GPR39: variants seen among roughly 807,000 people sequenced by gnomAD.
GPR39 encodes the protein G protein-coupled receptor 39, also known as zinc sensing receptor.
In GPR39, 23 loss-of-function variants were observed where a neutral mutation model predicts 18.4. That is an observed-to-expected ratio of 1.25 (90% CI 0.90 to 1.77). GPR39 has a LOEUF of 1.77. GPR39 is among the 40% of genes most tolerant of loss of function. The pLI, the probability that GPR39 is intolerant of heterozygous loss-of-function variation, is 0.00. For missense variants in GPR39, 647 were observed against 602.4 expected (o/e 1.07, Z -0.78); for synonymous variants, 280 against 257.9 (o/e 1.09, Z -0.82).
At chr2:132,595,359 C>G (rs1046077446) in intron 1 of GPR39, among the ~76,000 whole-genome samples, 5 of 148,028 alleles carry the variant, frequency 3.4e-5, no homozygotes, top group African/African-American at 1.2e-4. Context: ...GTAGCACATA[C>G]CTCATGCAGT....
intron 1 of GPR39, among the ~76,000 whole-genome samples, chr2:132,513,231 T>C (rs1334743931): frequency 6.6e-6 from 1 of 152,170 alleles, no homozygotes; most frequent in Admixed American, 6.5e-5. Context: ...GACAGCAACA[T>C]TTCCACAGCA....
intron 1 of GPR39, among the ~76,000 whole-genome samples, chr2:132,421,485 C>T (rs1273037240): frequency 1.3e-5 from 2 of 152,088 alleles, no homozygotes; most frequent in East Asian, 1.9e-4. Context: ...ATAAAAGAAA[C>T]ATCATAGAAG....
chr2:132,500,382 TA>T (rs763224953), intron 1 of GPR39, among the ~76,000 whole-genome samples: 3 of 152,198 alleles, frequency 2.0e-5, no homozygotes, highest in Non-Finnish European at 4.4e-5. Flanking sequence ...GTATCACACT[TA>T]TTGACTTATA....
chr2:132,482,771 T>C (rs1429210938), intron 1 of GPR39, among the ~76,000 whole-genome samples: 1 of 152,272 alleles, frequency 6.6e-6, no homozygotes, highest in Non-Finnish European at 1.5e-5. Flanking sequence ...AGTAGTAGTT[T>C]GCAAATCAGA....
intron 1 of GPR39, among the ~76,000 whole-genome samples, chr2:132,641,812 T>C (rs1472630664): frequency 6.6e-6 from 1 of 152,236 alleles, no homozygotes; most frequent in African/African-American, 2.4e-5. Flanking sequence ...ATATCCATTT[T>C]ACATGGTGGA....
chr2:132,427,976 T>C (rs1028442965), intron 1 of GPR39, among the ~76,000 whole-genome samples: 9 of 147,450 alleles, frequency 6.1e-5, no homozygotes, highest in Non-Finnish European at 1.3e-4. Context: ...TATTTAAATA[T>C]ATATATATTT....
At chr2:132,538,513 A>C (rs181506802) in intron 1 of GPR39, among the ~76,000 whole-genome samples, 7 of 152,334 alleles carry the variant, frequency 4.6e-5, no homozygotes, top group Non-Finnish European at 1.0e-4. Context: ...TTTCCCAGTC[A>C]GGAGGCATGG....
chr2:132,577,394 A>G (rs1573677518), intron 1 of GPR39, among the ~76,000 whole-genome samples: 2 of 152,260 alleles, frequency 1.3e-5, no homozygotes, highest in East Asian at 3.9e-4. Context: ...CTTTCAATAT[A>G]AATATTAGAA....
chr2:132,503,265 T>C (rs953835678), intron 1 of GPR39, among the ~76,000 whole-genome samples: 1 of 152,176 alleles, frequency 6.6e-6, no homozygotes, highest in African/African-American at 2.4e-5. Flanking sequence ...AGGAGTGCTA[T>C]TTTGATGTGG....
chr2:132,624,994 A>G (rs1355344424), intron 1 of GPR39, among the ~76,000 whole-genome samples: 1 of 151,974 alleles, frequency 6.6e-6, no homozygotes, highest in Non-Finnish European at 1.5e-5. Context: ...TCTACTAGAG[A>G]CTGTCAAACA....
In GPR39 at chr2:132,645,738, GC is replaced by G; in HGVS notation, c.*135del. 1.6e-6 allele frequency: 2 copies of G among 1,263,530 alleles called. No individual in the cohort carries two copies. The highest frequency in any genetic ancestry group is 1.1e-6 in the Non-Finnish European group (1 of 929,102). 78.3% of individuals were successfully genotyped at this position (1,263,530 alleles called of 1,614,324 possible). On this transcript the variant is annotated 3_prime_UTR_variant, in exon 2 of 2. Transcript: ENST00000329321. ...ACTGGAGGCTTTACAAAAGGCAGAT[GC>G]CCACCTCAGTGACTTCTAAGGACTG...
intron 1 of GPR39, among the ~76,000 whole-genome samples, chr2:132,538,182 T>C (rs1679794318): frequency 6.6e-6 from 1 of 152,188 alleles, no homozygotes; most frequent in African/African-American, 2.4e-5. Flanking sequence ...TCATCATGGA[T>C]TTATCTACCT....
intron 1 of GPR39, among the ~76,000 whole-genome samples, chr2:132,435,212 G>A (rs58068439): frequency 1.4e-3 from 214 of 152,134 alleles, no homozygotes; most frequent in African/African-American, 3.9e-3. Context: ...AAGTTGACCC[G>A]AGTGTGCCTG....
intron 1 of GPR39, among the ~76,000 whole-genome samples, chr2:132,518,984 A>AT (rs1374157268): frequency 6.6e-6 from 1 of 152,232 alleles, no homozygotes; most frequent in Non-Finnish European, 1.5e-5. Flanking sequence ...TTCTTCATTC[A>AT]TAACAAAGCT....
intron 1 of GPR39, among the ~76,000 whole-genome samples, chr2:132,499,893 T>C (rs13002132): frequency 0.46 from 69,797 of 151,556 alleles, 16,715 homozygotes; most frequent in Non-Finnish European, 0.51. Context: ...TGGTCACTGT[T>C]GGTGTACAGC....
chr2:132,506,626 T>A (rs1434878720), intron 1 of GPR39, among the ~76,000 whole-genome samples: 2 of 152,174 alleles, frequency 1.3e-5, no homozygotes, highest in Admixed American at 6.6e-5. Context: ...GGAGAGAGAA[T>A]GAGTGTTCAG....
At chr2:132,592,667 G>A (rs1348974019) in intron 1 of GPR39, among the ~76,000 whole-genome samples, 4 of 152,202 alleles carry the variant, frequency 2.6e-5, no homozygotes, top group African/African-American at 4.8e-5. Flanking sequence ...AGAAAGAAAG[G>A]AGGGTAATTA....
At chr2:132,552,879 T>C (rs1031450257) in intron 1 of GPR39, among the ~76,000 whole-genome samples, 2 of 101,942 alleles carry the variant, frequency 2.0e-5, no homozygotes, top group Non-Finnish European at 3.9e-5. Context: ...TATACACATA[T>C]ATATATACAC....
At chr2:132,492,642 C>CATACACACCATA (rs1349902319) in intron 1 of GPR39, among the ~76,000 whole-genome samples, 5 of 118,798 alleles carry the variant, frequency 4.2e-5, no homozygotes, top group Non-Finnish European at 8.8e-5. Context: ...TACACACCAT[C>CATACACACCATA]TATATATAAT....
Sources: allele counts gnomAD v4.1 joint callset (sites outside exome capture counted in the v4.1 genomes callset), GRCh38; gene constraint gnomAD v4.1.1; transcripts MANE v1.5; gene names NCBI Gene and HGNC (gene_info 2026-07-23, HGNC 2026-07-21).